Variants in TCN2 observed in about 807,000 individuals in gnomAD.
TCN2 encodes the protein transcobalamin 2, also known as transcobalamin-2.
In TCN2, 34 loss-of-function variants were observed where a neutral mutation model predicts 48.6. The observed-to-expected ratio is 0.70, with a 90% CI of 0.53 to 0.93. The LOEUF (loss-of-function observed/expected upper bound fraction) is 0.93. TCN2 is among the 40% of genes least tolerant of loss of function. TCN2 has a pLI of 0.00. For missense variants in TCN2, 652 were observed against 526.1 expected, an observed-to-expected ratio of 1.24 and a Z score of -2.34; for synonymous variants, 283 against 212.5, an observed-to-expected ratio of 1.33 and a Z score of -2.89.
chr22:30,623,566 T>C (rs1385099128), intron 8 of TCN2, among the ~76,000 whole-genome samples: 2 of 151,782 alleles, frequency 1.3e-5, no homozygotes, highest in Admixed American at 6.6e-5. Flanking sequence ...TTACTTAACT[T>C]TTCTTCTAGA....
intron 6 of TCN2, 86 bp downstream of exon 6, chr22:30,615,873 T>G (rs2087606713): frequency 9.0e-6 from 14 of 1,547,730 alleles, no homozygotes; most frequent in Non-Finnish European, 1.2e-5. Context: ...TGCTTCATCC[T>G]GATTTGCTGA....
chr22:30,619,121 G>C (rs563011610), intron 7 of TCN2, among the ~76,000 whole-genome samples: 1 of 152,110 alleles, frequency 6.6e-6, no homozygotes, highest in African/African-American at 2.4e-5. Context: ...CTGTCACCTA[G>C]GCTAGAGTGC....
chr22:30,609,996 T>C (rs1371924329), intron 1 of TCN2, among the ~76,000 whole-genome samples: 1 of 152,122 alleles, frequency 6.6e-6, no homozygotes, highest in Non-Finnish European at 1.5e-5. Flanking sequence ...CAGCAGCAAC[T>C]GGGAGGCAGT....
At position 30,624,082 on chromosome 22, in the gene TCN2, T is replaced by TATA. The variant is rs1569047380; in HGVS notation, c.1222+999_1222+1000insATA. Among the ~76,000 whole-genome samples the TATA allele has an allele frequency of 2.5e-5, 2 of 80,934 alleles. 1 individual carries two copies. The allele number at this position is 80,934 out of a possible 152,430, so 53.1% of individuals were successfully genotyped here. ...CACACATATATATATATATATATAT[T>TATA]TTTTTTTTTTGAGATGGAGTCTTGC... On this transcript the variant is annotated intron_variant, in intron 8 of 8. Coordinates refer to ENST00000215838, the MANE Select transcript of TCN2 (RefSeq NM_000355.4).
In TCN2 at chr22:30,623,758, G is replaced by A. The variant is rs796413389; in HGVS notation, c.1222+675G>A. Among the ~76,000 whole-genome samples, 17 of 67,586 alleles carry A rather than the reference G, an allele frequency of 2.5e-4. 4 individuals are homozygous for A. The highest frequency in any genetic ancestry group is 1.3e-3 in the East Asian group (4 of 3,094). 44.3% of individuals were successfully genotyped at this position (67,586 alleles called of 152,430 possible). On this transcript the variant is annotated intron_variant, in intron 8 of 8. Transcript: ENST00000215838. ...TACATATATATACACACATATATAT[G>A]TATATATATATACACACATATATAT...
At chr22:30,623,919 T>TGTATACATATATACACACAC in intron 8 of TCN2, among the ~76,000 whole-genome samples, 1 of 11,930 alleles carries the variant, frequency 8.4e-5, no homozygotes, top group East Asian at 7.7e-4. Context: ...TATACACACA[T>TGTATACATATATACACACAC]ATATATGTAT....
rs186720863 is a variant in TCN2 at position 30,619,116 on chromosome 22, A to T, written c.1106+1621A>T. Among the ~76,000 whole-genome samples the T allele has an allele frequency of 2.9e-3, 437 of 152,148 alleles. 4 individuals are homozygous for T. The highest frequency in any genetic ancestry group is 0.01 in the African/African-American group (428 of 41,504). ...ATTTGAGACAGGGTCTTACTCTGTC[A>T]CCTAGGCTAGAGTGCAGTGGCACAA... On this transcript the variant is annotated intron_variant, in intron 7 of 8. Transcript: ENST00000215838.
At chr22:30,611,185 A>G in intron 2 of TCN2, 122 bp downstream of exon 2, 5 of 1,168,022 alleles carry the variant, frequency 4.3e-6, no homozygotes, top group Non-Finnish European at 6.4e-6. Flanking sequence ...CTCCATCTAT[A>G]GAATGGAGGA....
At chr22:30,609,031 A>G (rs5749132) in intron 1 of TCN2, among the ~76,000 whole-genome samples, 33,214 of 151,960 alleles carry the variant, frequency 0.22, 3,644 homozygotes, top group Middle Eastern at 0.24. Flanking sequence ...GGTGTAGTAC[A>G]AGGAAGGATC....
chr22:30,612,759 A>G (rs887149091), intron 2 of TCN2, 114 bp from the exon 3 acceptor site: 20 of 1,351,050 alleles, frequency 1.5e-5, no homozygotes, highest in Middle Eastern at 2.5e-4. Context: ...GCTTTTATCA[A>G]AGTTTCCCAC....
chr22:30,617,711 G>A, intron 7 of TCN2: 1 of 624,072 alleles, frequency 1.6e-6, no homozygotes, highest in Non-Finnish European at 2.7e-6. Context: ...TTTGGAGGCA[G>A]AGCCCCCCAG....
intron 2 of TCN2, among the ~76,000 whole-genome samples, chr22:30,612,617 A>G (rs925078800): frequency 6.6e-6 from 1 of 152,172 alleles, no homozygotes. Flanking sequence ...GTATGGACAA[A>G]ATAGTGGGGC....
At chr22:30,616,340 G>T (rs1178765186) in intron 6 of TCN2, among the ~76,000 whole-genome samples, 1 of 151,952 alleles carries the variant, frequency 6.6e-6, no homozygotes, top group African/African-American at 2.4e-5. Context: ...AAAAGTAGCT[G>T]GGTGTGGTGG....
Position 30,615,657 on chromosome 22 carries a change from G to T in TCN2, c.810G>T (p.Ala270=), listed in dbSNP as rs61748898. The T allele has an allele frequency of 1.5e-4, 237 of 1,614,076 alleles. No individual in the cohort carries two copies. The highest frequency in any genetic ancestry group is 1.9e-4 in the Non-Finnish European group (226 of 1,180,046). ...AACTGGGAACAGCATGTCTCAAGGC[G>T]AGGGTTGCTTTGCTGGCCAGTCTGC... ...GAELGTACLK[A]RVALLASLQD... is the part of the protein sequence containing the mutation. The change falls in exon 6 of 9, where the codon GCG becomes GCT. Residue 270 remains alanine (A), a synonymous_variant. Transcript: ENST00000215838.
chr22:30,617,903 G>A (rs770067753), intron 7 of TCN2, among the ~76,000 whole-genome samples: 7 of 152,196 alleles, frequency 4.6e-5, no homozygotes, highest in Admixed American at 1.3e-4. Flanking sequence ...TCAACACAGC[G>A]TTGCTTTCAT....
chr22:30,611,075 CT>C lies in TCN2; in HGVS notation c.257+13del, dbSNP rs773394405. 1 of 1,613,778 alleles carries C rather than the reference CT, an allele frequency of 6.2e-7. No homozygotes were observed. Among genetic ancestry groups the C allele is most frequent in the Non-Finnish European group, 8.5e-7 (1 of 1,179,832 alleles). The stretch of plus-strand genomic sequence containing the variant: ...CAGTGCCTCCTAGGGTATTGCCACA[CT>C]CTCTTTTTCCATGTCTTGCTCCACA... On this transcript the variant is annotated intron_variant, in intron 2 of 8. Coordinates refer to ENST00000215838, the MANE Select transcript of TCN2 (RefSeq NM_000355.4).
chr22:30,613,260 T>C (rs547987035), intron 3 of TCN2, among the ~76,000 whole-genome samples: 1 of 152,212 alleles, frequency 6.6e-6, no homozygotes, highest in Non-Finnish European at 1.5e-5. Flanking sequence ...ACAGGTGTGT[T>C]TCGTGGTTTT....
At chr22:30,619,747 C>T (rs2087669689) in intron 7 of TCN2, among the ~76,000 whole-genome samples, 1 of 152,226 alleles carries the variant, frequency 6.6e-6, no homozygotes, top group Admixed American at 6.5e-5. Context: ...GCTAGAGAAT[C>T]TCAGACCGGA....
intron 8 of TCN2, among the ~76,000 whole-genome samples, chr22:30,625,774 C>G (rs1012084155): frequency 6.6e-6 from 1 of 152,136 alleles, no homozygotes; most frequent in African/African-American, 2.4e-5. Context: ...TATAATGGCA[C>G]TTTCCTATCC....
Sources: allele counts gnomAD v4.1 joint callset (sites outside exome capture counted in the v4.1 genomes callset), GRCh38; gene constraint gnomAD v4.1.1; transcripts MANE v1.5; gene names NCBI Gene and HGNC (gene_info 2026-07-23, HGNC 2026-07-21).